The following CNIH3 variants were observed in gnomAD, a reference collection of about 807,000 sequenced individuals.
CNIH3 encodes the protein protein cornichon homolog 3.
In CNIH3, 14 loss-of-function variants were observed where a neutral mutation model predicts 24.1. That is an observed-to-expected ratio of 0.58 (90% CI 0.38 to 0.91). The LOEUF is 0.91. CNIH3 is among the 40% of genes least tolerant of loss of function. The pLI is 0.00. For missense variants in CNIH3, 178 were observed against 196.8 expected (o/e 0.90, Z 0.57); for synonymous variants, 68 against 73.8 (o/e 0.92, Z 0.40).
chr1:224,673,691 C>T (rs1685985303), intron 1 of CNIH3, among the ~76,000 whole-genome samples: 2 of 152,172 alleles, frequency 1.3e-5, no homozygotes, highest in South Asian at 2.1e-4. Flanking sequence ...TGAATTATCT[C>T]TTCTGCCCTT....
intron 4 of CNIH3, among the ~76,000 whole-genome samples, chr1:224,582,372 G>T (rs1681311163): frequency 6.6e-6 from 1 of 152,012 alleles, no homozygotes; most frequent in South Asian, 2.1e-4. Flanking sequence ...CTTTTGTAGG[G>T]TTTGTCCATG....
chr1:224,575,005 C>A (rs1411267386), intron 4 of CNIH3: 2 of 875,090 alleles, frequency 2.3e-6, no homozygotes, highest in Non-Finnish European at 3.9e-6. Flanking sequence ...GAGTGCCACC[C>A]GTACCTCACT....
chr1:224,660,019 T>C (rs1685272540), intron 1 of CNIH3, among the ~76,000 whole-genome samples: 1 of 152,242 alleles, frequency 6.6e-6, no homozygotes, highest in Non-Finnish European at 1.5e-5. Context: ...ACCAATCTTT[T>C]TCACATCTCT....
chr1:224,677,478 C>T (rs751094997), intron 1 of CNIH3, among the ~76,000 whole-genome samples: 40 of 151,990 alleles, frequency 2.6e-4, no homozygotes, highest in African/African-American at 5.1e-4. Flanking sequence ...GGTGTAGGGA[C>T]GCTGAAAGCC....
chr1:224,512,151 G>C (rs1678179780), upstream of CNIH3, among the ~76,000 whole-genome samples: 1 of 150,422 alleles, frequency 6.6e-6, no homozygotes, highest in Non-Finnish European at 1.5e-5. Flanking sequence ...CTCCAGCCTG[G>C]GCAACAAGAG....
intron 3 of CNIH3, among the ~76,000 whole-genome samples, chr1:224,694,287 G>T (rs6685335): frequency 0.061 from 9,291 of 152,290 alleles, 354 homozygotes; most frequent in East Asian, 0.14. Flanking sequence ...TGAGATGAAT[G>T]TGGGGCCGTC....
chr1:224,722,631 T>C (rs1688783912), intron 3 of CNIH3, among the ~76,000 whole-genome samples: 1 of 152,128 alleles, frequency 6.6e-6, no homozygotes, highest in Non-Finnish European at 1.5e-5. Flanking sequence ...GGGGGACTCT[T>C]AGGCCCCACT....
At chr1:224,482,910 A>T (rs1196597113) in intron 1 of CNIH3, among the ~76,000 whole-genome samples, 1 of 152,074 alleles carries the variant, frequency 6.6e-6, no homozygotes, top group Non-Finnish European at 1.5e-5. Context: ...GCTGAAATTC[A>T]AGTTCTGACC....
At chr1:224,548,928 C>T (rs910331967) in intron 3 of CNIH3, among the ~76,000 whole-genome samples, 35 of 151,562 alleles carry the variant, frequency 2.3e-4, no homozygotes, top group African/African-American at 8.2e-4. Flanking sequence ...CCTGCTTGTA[C>T]ATTCTAGGAC....
chr1:224,657,408 G>GGA (rs1685147108), intron 1 of CNIH3, among the ~76,000 whole-genome samples: 1 of 148,244 alleles, frequency 6.7e-6, no homozygotes. Context: ...GAGAAATAGG[G>GGA]TAGAGAGAGA....
chr1:224,453,640 T>TA lies in CNIH3; in HGVS notation n.203+18780dup, dbSNP rs397822641. ...GACAAGGTGGGATTTTTTTTTTTTT[T>TA]AATTTTTAGAGATGGGTTCTTGTTA... On this transcript the variant is annotated intron_variant and non_coding_transcript_variant, in intron 1 of 5. Transcript: ENST00000471578. Among the ~76,000 whole-genome samples the TA allele has an allele frequency of 9.9e-5, 15 of 151,432 alleles. No homozygotes were observed. In the South Asian group the frequency reaches 1.3e-3, roughly 13 times the overall value.
At chr1:224,551,353 A>C (rs912924626) in intron 3 of CNIH3, among the ~76,000 whole-genome samples, 1 of 152,224 alleles carries the variant, frequency 6.6e-6, no homozygotes, top group Admixed American at 6.5e-5. Context: ...CTAGATTAAG[A>C]AAATGTGGCA....
intron 3 of CNIH3, among the ~76,000 whole-genome samples, chr1:224,548,108 C>T (rs770579394): frequency 3.3e-5 from 5 of 151,226 alleles, no homozygotes; most frequent in East Asian, 3.9e-4. Context: ...TTATTTATAA[C>T]GTATAAGGGA....
chr1:224,565,150 A>G (rs947284871), intron 3 of CNIH3, among the ~76,000 whole-genome samples: 10 of 152,218 alleles, frequency 6.6e-5, no homozygotes, highest in African/African-American at 2.4e-4. Context: ...TCTCCTCTTA[A>G]TATATAATGG....
chr1:224,681,043 G>T lies in CNIH3; in HGVS notation c.150+17G>T, dbSNP rs1159486436. The T allele has an allele frequency of 6.2e-7, 1 of 1,611,586 alleles. No individual in the cohort carries two copies. The highest frequency in any genetic ancestry group is 8.5e-7 in the Non-Finnish European group (1 of 1,177,830). ...GTTCATGCGGTAAGTGGCGGGTACT[G>T]GTGAGGGGAAGGTGCTATCACCCCA... On this transcript the variant is annotated intron_variant, in intron 2 of 5. Transcript: ENST00000272133.
At chr1:224,682,817 C>G (rs1686464980) in intron 2 of CNIH3, among the ~76,000 whole-genome samples, 2 of 152,194 alleles carry the variant, frequency 1.3e-5, no homozygotes, top group Admixed American at 1.3e-4. Context: ...ATTGTTTGGG[C>G]TCAAATTAAT....
chr1:224,529,256 C>T (rs905457210), intron 2 of CNIH3: 2 of 152,236 alleles, frequency 1.3e-5, no homozygotes, highest in Admixed American at 6.5e-5. Flanking sequence ...CACAGAGACA[C>T]AGTTTCTACT....
chr1:224,629,324 T>G (rs1385557632), intron 1 of CNIH3, among the ~76,000 whole-genome samples: 1 of 152,044 alleles, frequency 6.6e-6, no homozygotes, highest in Non-Finnish European at 1.5e-5. Context: ...ATATCTTAAA[T>G]GTATTTGATT....
exon 1 of CNIH3, chr1:224,434,688 T>C: frequency 1.1e-6 from 1 of 895,788 alleles, no homozygotes; most frequent in Non-Finnish European, 1.3e-6. Context: ...CGGCAGTGGC[T>C]GCGGCGGCGG....
Sources: allele counts gnomAD v4.1 joint callset (sites outside exome capture counted in the v4.1 genomes callset), GRCh38; gene constraint gnomAD v4.1.1; transcripts MANE v1.5; gene names NCBI Gene and HGNC (gene_info 2026-07-23, HGNC 2026-07-21).